CADM2: variants seen among roughly 807,000 people sequenced by gnomAD.
CADM2 encodes cell adhesion molecule 2.
CADM2 carries 12 observed loss-of-function variants against 49.8 expected under a neutral mutation model. The ratio of observed to expected loss-of-function variants is 0.24; its 90% CI spans 0.15 to 0.39. The LOEUF is 0.39. CADM2 is among the 10% of genes least tolerant of loss of function. CADM2 has a pLI of 1.00. For synonymous variants in CADM2, 214 were observed against 175.4 expected (o/e 1.22, Z -1.74); for missense variants, 378 against 492.3 (o/e 0.77, Z 2.20).
intron 1 of CADM2, among the ~76,000 whole-genome samples, chr3:85,603,105 T>C (rs2063455069): frequency 6.6e-6 from 1 of 151,858 alleles, no homozygotes; most frequent in African/African-American, 2.4e-5. Flanking sequence ...TTTCTTAATG[T>C]CAAGAACAGC....
At chr3:85,690,922 A>C (rs1374125532) in intron 1 of CADM2, among the ~76,000 whole-genome samples, 1 of 152,176 alleles carries the variant, frequency 6.6e-6, no homozygotes, top group Non-Finnish European at 1.5e-5. Context: ...TTGTGATGAG[A>C]ACATTCAAAA....
At chr3:85,955,207 T>G (rs1723909856) in intron 7 of CADM2, among the ~76,000 whole-genome samples, 1 of 151,442 alleles carries the variant, frequency 6.6e-6, no homozygotes, top group Admixed American at 6.6e-5. Flanking sequence ...AGGTGACTTT[T>G]TTTTCATCTA....
intron 1 of CADM2, among the ~76,000 whole-genome samples, chr3:85,272,557 A>G (rs1169503117): frequency 3.3e-5 from 5 of 151,318 alleles, no homozygotes; most frequent in African/African-American, 1.2e-4. Context: ...AAATACAGAA[A>G]CTTAAATTTA....
At chr3:85,034,789 G>GTTTTTTTTTTTTTTT (rs2035137941) in intron 1 of CADM2, among the ~76,000 whole-genome samples, 2 of 99,364 alleles carry the variant, frequency 2.0e-5, no homozygotes, top group African/African-American at 9.1e-5. Flanking sequence ...AAGACATTTT[G>GTTTTTTTTTTTTTTT]CTTTTTTTTT....
At chr3:85,496,036 T>A (rs188024028) in intron 1 of CADM2, among the ~76,000 whole-genome samples, 12 of 152,314 alleles carry the variant, frequency 7.9e-5, no homozygotes, top group Non-Finnish European at 1.2e-4. Flanking sequence ...TTTTAAAAAA[T>A]CTAAATTTCT....
At chr3:85,607,345 C>T (rs1199634159) in intron 1 of CADM2, among the ~76,000 whole-genome samples, 6 of 151,958 alleles carry the variant, frequency 3.9e-5, no homozygotes, top group Non-Finnish European at 1.5e-5. Context: ...ATGAAAATGG[C>T]TGGGACAGTG....
intron 1 of CADM2, among the ~76,000 whole-genome samples, chr3:85,028,050 A>G: frequency 6.6e-6 from 1 of 152,132 alleles, no homozygotes; most frequent in East Asian, 1.9e-4. Context: ...ATAGAAAAAA[A>G]CCCAAACCCT....
intron 6 of CADM2, among the ~76,000 whole-genome samples, chr3:85,926,177 TAGA>T (rs764698474): frequency 1.1e-3 from 151 of 143,300 alleles, no homozygotes; most frequent in African/African-American, 1.9e-3. Flanking sequence ...AATAAATAAA[TAGA>T]AAATAGATAA....
intron 6 of CADM2, among the ~76,000 whole-genome samples, chr3:85,920,375 A>G (rs113859690): frequency 8.6e-5 from 13 of 151,866 alleles, no homozygotes; most frequent in African/African-American, 3.1e-4. Context: ...TTTGACAAAC[A>G]AAATGCCATA....
At chr3:85,229,796 T>G (rs2042244506) in intron 1 of CADM2, among the ~76,000 whole-genome samples, 1 of 152,190 alleles carries the variant, frequency 6.6e-6, no homozygotes, top group African/African-American at 2.4e-5. Context: ...TGAACAACCT[T>G]TCTTCCTGTC....
chr3:85,540,554 G>A lies in CADM2; in HGVS notation c.62-185968G>A, dbSNP rs186800392. ...GATATGTAATCAACATTTACGGCAC[G>A]GTTTTCCTGAACTGAGACTTGGTTT... On this transcript the variant is annotated intron_variant, in intron 1 of 9. Transcript: ENST00000383699. Among the ~76,000 whole-genome samples, 18 of 152,150 alleles carry A rather than the reference G, an allele frequency of 1.2e-4. No individual in the cohort carries two copies. The East Asian group carries it at 1.5e-3, about 13-fold the overall frequency.
At chr3:85,595,611 T>C (rs1483373389) in intron 1 of CADM2, among the ~76,000 whole-genome samples, 1 of 152,022 alleles carries the variant, frequency 6.6e-6, no homozygotes, top group Non-Finnish European at 1.5e-5. Flanking sequence ...TTGTCCTGTT[T>C]AAAACCTTTT....
At chr3:85,508,619 A>G (rs2040465215) in intron 1 of CADM2, among the ~76,000 whole-genome samples, 1 of 152,202 alleles carries the variant, frequency 6.6e-6, no homozygotes, top group South Asian at 2.1e-4. Context: ...CGGCTAGAAG[A>G]TTAGTATCTC....
chr3:85,750,385 T>C (rs2068811764), intron 2 of CADM2, among the ~76,000 whole-genome samples: 1 of 152,070 alleles, frequency 6.6e-6, no homozygotes, highest in Non-Finnish European at 1.5e-5. Flanking sequence ...AGCTTGCAAT[T>C]GGAAATTTGG....
Position 85,313,035 on chromosome 3 carries a change from A to C in CADM2, c.61+353367A>C, listed in dbSNP as rs143935707. On this transcript the variant is annotated intron_variant, in intron 1 of 9. Transcript: ENST00000383699. ...ACAGCAGGAAAGAAAGTCCAAAGCT[A>C]AACAGCACCATACATGTTTTTGAAA... Among the ~76,000 whole-genome samples the C allele has an allele frequency of 3.8e-3, 575 of 152,326 alleles. 5 individuals are homozygous for C. The highest frequency in any genetic ancestry group is 9.8e-3 in the Admixed American group (150 of 15,302).
intron 1 of CADM2, among the ~76,000 whole-genome samples, chr3:85,423,418 G>T (rs1177343378): frequency 1.3e-5 from 2 of 152,044 alleles, no homozygotes; most frequent in Non-Finnish European, 2.9e-5. Context: ...TTGTCCTTCT[G>T]CCTCCTGTCT....
intron 1 of CADM2, among the ~76,000 whole-genome samples, chr3:85,539,680 AT>A (rs1276777071): frequency 6.6e-6 from 1 of 151,780 alleles, no homozygotes; most frequent in African/African-American, 2.4e-5. Context: ...ATTTTTCTTT[AT>A]TTTTTAATGG....
intron 1 of CADM2, among the ~76,000 whole-genome samples, chr3:85,217,290 G>A (rs1307096323): frequency 6.6e-6 from 1 of 151,628 alleles, no homozygotes; most frequent in Non-Finnish European, 1.5e-5. Context: ...CATAAAATAA[G>A]CATAGCAAAT....
intron 1 of CADM2, among the ~76,000 whole-genome samples, chr3:85,387,102 G>T (rs961244579): frequency 1.3e-5 from 2 of 152,092 alleles, no homozygotes; most frequent in Non-Finnish European, 2.9e-5. Flanking sequence ...TGGAGCCGCT[G>T]GGGGAAAAGG....
Sources: gnomAD v4.1 joint callset for allele counts (sites outside exome capture counted in the v4.1 genomes callset) on GRCh38, gnomAD v4.1.1 for gene constraint, MANE v1.5 for transcripts, NCBI Gene and HGNC (gene_info 2026-07-23, HGNC 2026-07-21) for gene names.